Variants in SLC30A9 observed in about 807,000 individuals in gnomAD.
SLC30A9 encodes proton-coupled zinc antiporter SLC30A9, mitochondrial.
SLC30A9 carries 58 observed loss-of-function variants against 87.5 expected under a neutral mutation model. The ratio of observed to expected loss-of-function variants is 0.66; its 90% confidence interval spans 0.54 to 0.82. SLC30A9 has a LOEUF of 0.82. Among genes scored for constraint, SLC30A9 ranks in the 40% least tolerant of loss-of-function variants. The pLI is 0.00. For missense variants in SLC30A9, 557 were observed against 679.1 expected, an observed-to-expected ratio of 0.82 and a Z score of 2.00; for synonymous variants, 234 against 233.0, an observed-to-expected ratio of 1.00 and a Z score of -0.04.
At chr4:42,068,154 A>G (rs1449941817) in intron 14 of SLC30A9, among the ~76,000 whole-genome samples, 1 of 151,928 alleles carries the variant, frequency 6.6e-6, no homozygotes, top group African/African-American at 2.4e-5. Context: ...TGTAGCCCAC[A>G]TTTATTTCAG....
intron 14 of SLC30A9, among the ~76,000 whole-genome samples, chr4:42,068,351 C>T (rs1243026544): frequency 6.6e-6 from 1 of 151,552 alleles, no homozygotes; most frequent in African/African-American, 2.4e-5. Flanking sequence ...TCAAGCAATT[C>T]TCCTGCCTCA....
At chr4:42,083,138 T>G (rs1718803226) in intron 17 of SLC30A9, among the ~76,000 whole-genome samples, 1 of 152,234 alleles carries the variant, frequency 6.6e-6, no homozygotes, top group African/African-American at 2.4e-5. Flanking sequence ...CATAAATTCC[T>G]TATAAATAAT....
At chr4:42,020,547 A>G (rs766001984) in intron 4 of SLC30A9, 32 bp downstream of exon 4, 3 of 1,168,802 alleles carry the variant, frequency 2.6e-6, no homozygotes, top group Middle Eastern at 2.6e-4. Context: ...GCCGTGTGTC[A>G]TATCTAAATA....
intron 1 of SLC30A9, among the ~76,000 whole-genome samples, chr4:42,000,606 T>C (rs775365980): frequency 5.3e-5 from 8 of 152,098 alleles, no homozygotes; most frequent in Non-Finnish European, 1.0e-4. Flanking sequence ...TGTTCCCTTA[T>C]GTCCTTTGTG....
chr4:42,041,561 T>C (rs965520200), intron 8 of SLC30A9, among the ~76,000 whole-genome samples: 6 of 152,148 alleles, frequency 3.9e-5, no homozygotes, highest in Admixed American at 3.3e-4. Context: ...TAGTGAGACC[T>C]TGTACCTACA....
chr4:42,041,529 T>C (rs1716922516), intron 8 of SLC30A9, among the ~76,000 whole-genome samples: 1 of 152,136 alleles, frequency 6.6e-6, no homozygotes, highest in African/African-American at 2.4e-5. Flanking sequence ...AGCTCAGGAA[T>C]TTCAGACCAC....
chr4:42,023,857 A>G (rs946127983), intron 6 of SLC30A9, among the ~76,000 whole-genome samples: 1 of 152,116 alleles, frequency 6.6e-6, no homozygotes, highest in Non-Finnish European at 1.5e-5. Context: ...GCATCTTAAC[A>G]TGGTGTCAGG....
At chr4:42,075,069 T>A (rs1304868466) in intron 15 of SLC30A9, among the ~76,000 whole-genome samples, 9 of 92,926 alleles carry the variant, frequency 9.7e-5, no homozygotes, top group Non-Finnish European at 1.3e-4. Flanking sequence ...ATTTTTTTTT[T>A]TTTTTTTTTT....
At chr4:42,070,217 C>T (rs1244303189) in intron 14 of SLC30A9, 1 of 212,326 alleles carries the variant, frequency 4.7e-6, no homozygotes, top group African/African-American at 2.3e-5. Context: ...AAGAAATGGA[C>T]TCTTCATTAT....
intron 8 of SLC30A9, among the ~76,000 whole-genome samples, chr4:42,041,901 A>G (rs890162314): frequency 1.3e-5 from 2 of 152,146 alleles, no homozygotes; most frequent in Admixed American, 6.5e-5. Context: ...GGTGCAGCCC[A>G]TGGAGGGTGA....
intron 13 of SLC30A9, 122 bp from the exon 14 acceptor site, chr4:42,066,963 C>G: frequency 1.6e-6 from 1 of 641,452 alleles, no homozygotes. Flanking sequence ...CATAATCTCT[C>G]ATACACTTTT....
chr4:42,021,917 ATTT>A (rs1180421350), intron 4 of SLC30A9, among the ~76,000 whole-genome samples: 1 of 39,940 alleles, frequency 2.5e-5, no homozygotes, highest in African/African-American at 6.5e-5. Flanking sequence ...CGCCTGGCTA[ATTT>A]TTTTTTTTTT....
chr4:42,001,844 G>A, intron 2 of SLC30A9, 64 bp downstream of exon 2: 1 of 1,197,212 alleles, frequency 8.4e-7, no homozygotes, highest in African/African-American at 1.6e-5. Flanking sequence ...AAAATTATTT[G>A]TTCCCTGGAT....
chr4:42,058,053 G>A (rs1433480440), intron 9 of SLC30A9, among the ~76,000 whole-genome samples: 1 of 140,750 alleles, frequency 7.1e-6, no homozygotes, highest in Non-Finnish European at 1.5e-5. Flanking sequence ...AGTAAGCCAA[G>A]ATCGTGCCAC....
intron 1 of SLC30A9, among the ~76,000 whole-genome samples, chr4:41,997,509 A>G (rs1714772091): frequency 6.6e-6 from 1 of 152,170 alleles, no homozygotes; most frequent in South Asian, 2.1e-4. Context: ...AACTATGCAT[A>G]ATTCAGATAT....
intron 8 of SLC30A9, among the ~76,000 whole-genome samples, chr4:42,046,517 C>T (rs1413634359): frequency 1.3e-5 from 2 of 152,138 alleles, no homozygotes; most frequent in Non-Finnish European, 2.9e-5. Flanking sequence ...AGGAATACAA[C>T]TTACAAGGGA....
intron 11 of SLC30A9, among the ~76,000 whole-genome samples, chr4:42,064,692 G>A (rs1352920699): frequency 6.6e-6 from 1 of 152,120 alleles, no homozygotes; most frequent in Non-Finnish European, 1.5e-5. Context: ...TTGTGTATAA[G>A]TTTTAAAACT....
intron 6 of SLC30A9, among the ~76,000 whole-genome samples, chr4:42,026,074 C>G (rs1716180523): frequency 6.6e-6 from 1 of 152,194 alleles, no homozygotes; most frequent in Non-Finnish European, 1.5e-5. Flanking sequence ...AAGTGATCCT[C>G]CTGCCTCAGC....
rs1719057152 is a variant in SLC30A9 at position 42,090,458 on chromosome 4, C to A, written c.*4332C>A. On this transcript the variant is annotated 3_prime_UTR_variant, in exon 18 of 18. Coordinates refer to ENST00000264451, the MANE Select transcript of SLC30A9 (RefSeq NM_006345.4). ...AAATGTCATATGTAAATAAAGGCAA[C>A]TCATTTATTAGTTTGGGATTTTTTT... 6.6e-6 allele frequency: 1 copy of A among 152,142 alleles called. No homozygotes were observed. The allele number at this position is 152,142 out of a possible 1,614,324, so 9.4% of individuals were successfully genotyped here. A position where few individuals can be genotyped will look rare whatever the true frequency, so the allele number is the denominator to read the frequency against.
Sources: gnomAD v4.1 joint callset for allele counts (sites outside exome capture counted in the v4.1 genomes callset) on GRCh38, gnomAD v4.1.1 for gene constraint, MANE v1.5 for transcripts, NCBI Gene and HGNC (gene_info 2026-07-23, HGNC 2026-07-21) for gene names.